Variants in PRUNE2 observed in about 807,000 individuals in gnomAD.
The protein encoded by PRUNE2 is prune homolog 2 with BCH domain.
PRUNE2 carries 164 observed loss-of-function variants against 252.0 expected under a neutral mutation model. The ratio of observed to expected loss-of-function variants is 0.65; its 90% CI spans 0.57 to 0.74. The LOEUF (loss-of-function observed/expected upper bound fraction) is 0.74. PRUNE2 is among the 30% of genes least tolerant of loss of function. The pLI is 0.00. For synonymous variants in PRUNE2, 1,292 were observed against 1,350.2 expected, an observed-to-expected ratio of 0.96 and a Z score of 0.94; for missense variants, 3,495 against 3,711.0, an observed-to-expected ratio of 0.94 and a Z score of 1.51.
At chr9:76,880,322 A>C (rs1261842327) in intron 1 of PRUNE2, among the ~76,000 whole-genome samples, 2 of 152,178 alleles carry the variant, frequency 1.3e-5, no homozygotes, top group Non-Finnish European at 2.9e-5. Flanking sequence ...CTCAGACCGC[A>C]GGGGGGTCCC....
chr9:76,850,225 T>G (rs964893469), intron 3 of PRUNE2, among the ~76,000 whole-genome samples: 1 of 152,162 alleles, frequency 6.6e-6, no homozygotes, highest in East Asian at 1.9e-4. Context: ...TTTCGTATTT[T>G]TAGTAGAGAC....
chr9:76,622,774 T>C (rs1023109960), intron 17 of PRUNE2, among the ~76,000 whole-genome samples: 2 of 152,220 alleles, frequency 1.3e-5, no homozygotes, highest in African/African-American at 4.8e-5. Flanking sequence ...AAGAAGATTT[T>C]TTAGAATAAA....
Position 76,850,484 on chromosome 9 carries a change from A to G in PRUNE2, c.323T>C (p.Val108Ala). ...TTACCTCGCCAGCACACTGCTGCCA[A>G]CAAGTGTTATCGATAACTTCCCTTC... ...NDEGKLSITL[V>A]GSSVLASEDK... The change falls in exon 3 of 19, where the codon GTT becomes GCT. Residue 108 changes from valine (V) to alanine (A), a missense_variant. Transcript: ENST00000376718. 1 of 1,614,088 alleles carries G rather than the reference A, an allele frequency of 6.2e-7. No individual in the cohort carries two copies. The highest frequency in any genetic ancestry group is 8.5e-7 in the Non-Finnish European group (1 of 1,179,912).
chr9:76,840,899 T>A (rs750105513), intron 4 of PRUNE2, among the ~76,000 whole-genome samples: 30 of 151,914 alleles, frequency 2.0e-4, no homozygotes, highest in Non-Finnish European at 4.0e-4. Context: ...GAGAATCGCT[T>A]GAACCCGAGA....
At chr9:76,673,162 C>T (rs1274939938) in intron 9 of PRUNE2, among the ~76,000 whole-genome samples, 2 of 151,942 alleles carry the variant, frequency 1.3e-5, no homozygotes, top group African/African-American at 4.8e-5. Flanking sequence ...GCTAGCAAGA[C>T]TAATGAAGAA....
At chr9:76,898,014 G>C (rs918586050) in intron 1 of PRUNE2, among the ~76,000 whole-genome samples, 5 of 152,104 alleles carry the variant, frequency 3.3e-5, no homozygotes, top group Non-Finnish European at 5.9e-5. Flanking sequence ...GCAGCCCTGT[G>C]AGGCCAGTGC....
chr9:76,880,063 G>A (rs952601694), intron 1 of PRUNE2, among the ~76,000 whole-genome samples: 11 of 151,010 alleles, frequency 7.3e-5, no homozygotes, highest in Non-Finnish European at 1.5e-4. Context: ...ACAGGCACGC[G>A]CCACCACGCC....
chr9:76,652,462 C>T, intron 11 of PRUNE2, 21 bp downstream of exon 11: 2 of 1,576,758 alleles, frequency 1.3e-6, no homozygotes, highest in Non-Finnish European at 8.7e-7. Flanking sequence ...TAACTTTGGC[C>T]TTGCCAACTT....
chr9:76,805,834 T>C (rs907575894), intron 6 of PRUNE2, among the ~76,000 whole-genome samples: 2 of 152,234 alleles, frequency 1.3e-5, no homozygotes, highest in Non-Finnish European at 2.9e-5. Flanking sequence ...TTGAATCAGA[T>C]GTCCCTGGAC....
At chr9:76,702,421 T>A (rs1033098985) in intron 9 of PRUNE2, among the ~76,000 whole-genome samples, 2 of 152,214 alleles carry the variant, frequency 1.3e-5, no homozygotes, top group African/African-American at 4.8e-5. Flanking sequence ...TAAGTTACTT[T>A]TCACAATTTG....
chr9:76,620,178 C>T (rs1203231718), intron 17 of PRUNE2, among the ~76,000 whole-genome samples: 5 of 148,518 alleles, frequency 3.4e-5, no homozygotes, highest in African/African-American at 1.0e-4. Context: ...CTTGCTCTGT[C>T]GCCCAGGCTG....
intron 11 of PRUNE2, among the ~76,000 whole-genome samples, chr9:76,650,134 T>C (rs966609941): frequency 6.6e-6 from 1 of 152,100 alleles, no homozygotes; most frequent in Non-Finnish European, 1.5e-5. Context: ...TGTGTGACCT[T>C]AGGCAAATTA....
At chr9:76,825,623 C>T (rs568805774) in intron 5 of PRUNE2, among the ~76,000 whole-genome samples, 75 of 152,314 alleles carry the variant, frequency 4.9e-4, no homozygotes, top group Non-Finnish European at 9.0e-4. Flanking sequence ...TGGCCACCTG[C>T]CTGCTATGTG....
chr9:76,660,013 T>C (rs1850671095), intron 9 of PRUNE2, among the ~76,000 whole-genome samples: 2 of 152,108 alleles, frequency 1.3e-5, no homozygotes, highest in South Asian at 2.1e-4. Context: ...TGTAAAGCCA[T>C]GTATCATTAA....
In PRUNE2 at chr9:76,881,094, A is replaced by G. The variant is rs571017921; in HGVS notation, c.36+24834T>C. Among the ~76,000 whole-genome samples, 20 of 152,098 alleles carry G rather than the reference A, an allele frequency of 1.3e-4. No individual in the cohort carries two copies. The South Asian group carries it at 4.1e-3, about 32-fold the overall frequency. ...GCGATTTTTCTTCTTCAGCCTCCCA[A>G]GTACCTGGGACTACAGGCGTGCGCC... On this transcript the variant is annotated intron_variant, in intron 1 of 18. Coordinates refer to ENST00000376718, the MANE Select transcript of PRUNE2 (RefSeq NM_015225.3).
At position 76,846,425 on chromosome 9, in the gene PRUNE2, C is replaced by A. The variant is rs547485845; in HGVS notation, c.508+90G>T. On this transcript the variant is annotated intron_variant, in intron 4 of 18. Coordinates refer to ENST00000376718, the MANE Select transcript of PRUNE2 (RefSeq NM_015225.3). Reference sequence around the variant, plus strand: ...CGTGGTCTTTAAAGAGATTGTTAACCCAAGAATGGATCGCATTCTTTCTAC... The same window carrying A: ...CGTGGTCTTTAAAGAGATTGTTAACACAAGAATGGATCGCATTCTTTCTAC... 15 of 1,174,178 alleles carry A rather than the reference C, an allele frequency of 1.3e-5. No homozygotes were observed. The South Asian group carries it at 2.3e-4, about 18-fold the overall frequency. The allele number at this position is 1,174,178 out of a possible 1,614,324, so 72.7% of individuals were successfully genotyped here. A position where few individuals can be genotyped will look rare whatever the true frequency, so the allele number is the denominator to read the frequency against.
rs1026904101 is a variant in PRUNE2, at chr9:76,842,319, C to T, written c.508+4196G>A. Among the ~76,000 whole-genome samples, 3 of 152,276 alleles carry T rather than the reference C, an allele frequency of 2.0e-5. No individual in the cohort carries two copies. In the South Asian group the frequency reaches 6.2e-4, roughly 32 times the overall value. ...AAACTGAAACTGGACCCTTTCCTTA[C>T]ACCTTACAAAAATTAACTCAAGATG... On this transcript the variant is annotated intron_variant, in intron 4 of 18. Coordinates refer to ENST00000376718, the MANE Select transcript of PRUNE2 (RefSeq NM_015225.3).
intron 6 of PRUNE2, among the ~76,000 whole-genome samples, chr9:76,789,417 T>C (rs1473403571): frequency 6.6e-6 from 1 of 152,236 alleles, no homozygotes; most frequent in Non-Finnish European, 1.5e-5. Context: ...TGTAAATCTC[T>C]CATCCAGTGG....
chr9:76,639,837 T>A (rs1248340839), intron 12 of PRUNE2, among the ~76,000 whole-genome samples: 1 of 151,868 alleles, frequency 6.6e-6, no homozygotes, highest in Non-Finnish European at 1.5e-5. Flanking sequence ...ACTCCGGGGG[T>A]CAAGGAACAT....
Sources: allele counts gnomAD v4.1 joint callset (sites outside exome capture counted in the v4.1 genomes callset), GRCh38; gene constraint gnomAD v4.1.1; transcripts MANE v1.5; gene names NCBI Gene and HGNC (gene_info 2026-07-23, HGNC 2026-07-21).